MTRR: variants seen among roughly 807,000 people sequenced by gnomAD.
MTRR encodes 5-methyltetrahydrofolate-homocysteine methyltransferase reductase, also known as methionine synthase reductase.
MTRR carries 63 observed loss-of-function variants against 79.2 expected under a neutral mutation model. That is an observed-to-expected ratio of 0.80 (90% CI 0.65 to 0.98). MTRR has a LOEUF of 0.98. Ranked by LOEUF, MTRR falls within the 50% of genes least tolerant of loss-of-function variation. MTRR has a pLI of 0.00. For synonymous variants in MTRR, 355 were observed against 313.3 expected (o/e 1.13, Z -1.41); for missense variants, 895 against 839.6 (o/e 1.07, Z -0.82).
At chr5:7,859,349 T>G in intron 1 of MTRR, 1 of 708,608 alleles carries the variant, frequency 1.4e-6, no homozygotes, top group East Asian at 2.8e-5. Context: ...TTCTGCAAAG[T>G]GGCTAATTCA....
Position 7,895,756 on chromosome 5 carries a change from C to CA in MTRR, c.1583dup (p.Asn528LysfsTer8). Reference sequence around the variant, plus strand: ...CAGATATCCATCTCTCCTCGAACAACAAATTCTTTCCACTTACCAGATGAC... The same window carrying CA: ...CAGATATCCATCTCTCCTCGAACAACAAAATTCTTTCCACTTACCAGATGAC... On this transcript the variant is annotated frameshift_variant, in exon 12 of 15. Transcript: ENST00000440940. LOFTEE classifies it high-confidence loss of function. 6.2e-7 allele frequency: 1 copy of CA among 1,614,074 alleles called. No individual in the cohort carries two copies. Among genetic ancestry groups the CA allele is most frequent in the Non-Finnish European group, 8.5e-7 (1 of 1,179,962 alleles).
rs1279274094 is a variant in MTRR at position 7,870,819 on chromosome 5, G to A, written c.25G>A (p.Ala9Thr). The change falls in exon 2 of 15, where the codon GCT becomes ACT. Residue 9 changes from alanine to threonine, a missense_variant. Ala to Thr is a moderately conservative substitution (Grantham distance 58). Transcript: ENST00000440940. MRRFLLLY[A>T]TQQGQAKAIA... ...GATGAGGAGGTTTCTGTTACTATAT[G>A]CTACACAGCAGGGACAGGCAAAGGC... The A allele has an allele frequency of 6.2e-7, 1 of 1,614,202 alleles. No homozygotes were observed. The highest frequency in any genetic ancestry group is 1.7e-5 in the Admixed American group (1 of 60,034).
At chr5:7,861,297 TTTTA>T in intron 1 of MTRR, 1 of 1,226,700 alleles carries the variant, frequency 8.2e-7, no homozygotes, top group Non-Finnish European at 1.1e-6. Flanking sequence ...ATACTTAATT[TTTTA>T]AATAATCCAA....
At position 7,897,301 on chromosome 5, in the gene MTRR, T is replaced by C. The variant is rs539608048; in HGVS notation, c.1952+54T>C. 3.2e-6 allele frequency: 5 copies of C among 1,584,710 alleles called. No homozygotes were observed. The African/African-American group carries it at 6.7e-5, about 21-fold the overall frequency. ...AGGAGAGGGCCATCAGTGATGTCTG[T>C]AGAAGAAAAAAAGGACCGAGAAGCC... On this transcript the variant is annotated intron_variant, in intron 14 of 14. Transcript: ENST00000440940.
intron 4 of MTRR, among the ~76,000 whole-genome samples, chr5:7,877,521 AAG>A (rs1554001300): frequency 2.6e-5 from 4 of 151,410 alleles, no homozygotes; most frequent in African/African-American, 9.7e-5. Context: ...AAAAAAAAAA[AAG>A]GTGCATTTGA....
chr5:7,859,417 G>C (rs746506905), intron 1 of MTRR: 1 of 1,480,244 alleles, frequency 6.8e-7, no homozygotes, highest in Non-Finnish European at 9.3e-7. Flanking sequence ...TCCATTGTTT[G>C]AGTTCTGAAG....
In MTRR at chr5:7,896,890, A is replaced by G. The variant is rs1336717002; in HGVS notation, c.1703A>G (p.Asp568Gly). ...HREKLQEQHP[D>G]GNFGAMWLFF... The stretch of plus-strand genomic sequence containing the variant: ...GAGAAACTCCAAGAACAACACCCAG[A>G]TGGAAATTTTGGAGCAATGTGGTTG... Residue 568 changes from aspartate to glycine, a missense_variant, in exon 13 of 15, where the codon GAT becomes GGT. Physicochemically the swap from Asp to Gly is moderately conservative, Grantham distance 94. Coordinates refer to ENST00000440940, the MANE Select transcript of MTRR (RefSeq NM_002454.3). 2 of 1,614,074 alleles carry G rather than the reference A, an allele frequency of 1.2e-6. No homozygotes were observed. Among genetic ancestry groups the G allele is most frequent in the African/African-American group, 2.7e-5 (2 of 75,018 alleles).
upstream of MTRR, among the ~76,000 whole-genome samples, chr5:7,864,517 A>G (rs116816734): frequency 3.1e-3 from 467 of 152,338 alleles, 3 homozygotes; most frequent in African/African-American, 0.011. Context: ...TACAACATTC[A>G]TAATAGTTAA....
In MTRR at chr5:7,877,981, T is replaced by C; in HGVS notation, c.439T>C (p.Trp147Arg). Residue 147 changes from tryptophan to arginine, a missense_variant, in exon 5 of 15, where the codon TGG becomes CGG. Transcript: ENST00000440940. ...LVVEPWIAGL[W>R]PALRKHFRSS... ...GGTTGAGCCGTGGATTGCTGGACTC[T>C]GGCCAGCCCTCAGAAAGCATTTTAG... 6.2e-7 allele frequency: 1 copy of C among 1,613,702 alleles called. No homozygotes were observed. The highest frequency in any genetic ancestry group is 8.5e-7 in the Non-Finnish European group (1 of 1,179,996).
rs1485372093 is a variant in MTRR at position 7,878,001 on chromosome 5, T to C, written c.459T>C (p.His153=). 1.9e-6 allele frequency: 3 copies of C among 1,613,536 alleles called. No individual in the cohort carries two copies. The African/African-American group carries it at 4.0e-5, about 22-fold the overall frequency. ...IAGLWPALRK[H]FRSSRGQEEI... ...GACTCTGGCCAGCCCTCAGAAAGCA[T>C]TTTAGGTCAAGCAGAGGACAAGAGG... The change falls in exon 5 of 15, where the codon CAT becomes CAC. Residue 153 remains histidine, a synonymous_variant. Coordinates refer to ENST00000440940, the MANE Select transcript of MTRR (RefSeq NM_002454.3).
chr5:7,897,955 G>T (rs1359939629), intron 14 of MTRR, among the ~76,000 whole-genome samples: 2 of 151,412 alleles, frequency 1.3e-5, no homozygotes, highest in African/African-American at 4.9e-5. Flanking sequence ...ACAAAATACT[G>T]GCATCGTGAC....
At chr5:7,887,566 T>TTA (rs532744558) in intron 8 of MTRR, among the ~76,000 whole-genome samples, 27 of 146,492 alleles carry the variant, frequency 1.8e-4, no homozygotes, top group South Asian at 6.4e-4. Flanking sequence ...ATATATAGAT[T>TTA]TATATATATA....
chr5:7,871,078 G>A (rs962426481), intron 2 of MTRR, among the ~76,000 whole-genome samples, 155 bp downstream of exon 2: 2 of 152,228 alleles, frequency 1.3e-5, no homozygotes, highest in Non-Finnish European at 2.9e-5. Flanking sequence ...GATATCACCA[G>A]CATTTTTTTA....
At chr5:7,855,500 CT>C (rs1331893181) in intron 1 of MTRR, among the ~76,000 whole-genome samples, 1 of 150,668 alleles carries the variant, frequency 6.6e-6, no homozygotes, top group Non-Finnish European at 1.5e-5. Flanking sequence ...AATAGAGGAA[CT>C]TGCAAACTTA....
chr5:7,874,122 A>G (rs1748465165), intron 3 of MTRR, among the ~76,000 whole-genome samples: 1 of 152,026 alleles, frequency 6.6e-6, no homozygotes, highest in Admixed American at 6.5e-5. Context: ...AGAAAAACTG[A>G]CTTAGGACTC....
At chr5:7,892,956 T>C (rs1304233649) in intron 11 of MTRR, 43 bp downstream of exon 11, 2 of 1,574,374 alleles carry the variant, frequency 1.3e-6, no homozygotes, top group South Asian at 2.3e-5. Context: ...TAACTCATAC[T>C]CTTTGTTTCA....
At chr5:7,899,749 C>T (rs933552731) in intron 14 of MTRR, among the ~76,000 whole-genome samples, 165 bp from the exon 15 acceptor site, 2 of 152,166 alleles carry the variant, frequency 1.3e-5, no homozygotes, top group African/African-American at 4.8e-5. Context: ...TAGGCAAAGG[C>T]CTGGCCTGGG....
chr5:7,895,660 G>T, intron 11 of MTRR, 74 bp from the exon 12 acceptor site: 1 of 1,576,448 alleles, frequency 6.3e-7, no homozygotes, highest in Non-Finnish European at 8.7e-7. Flanking sequence ...GATTTGTTTA[G>T]CAAAGATCAT....
chr5:7,854,062 A>G (rs1439183285), intron 1 of MTRR, among the ~76,000 whole-genome samples: 2 of 152,022 alleles, frequency 1.3e-5, no homozygotes, highest in East Asian at 3.9e-4. Context: ...TTTTAAAAAT[A>G]CTCTTTTTAA....
Sources: allele counts gnomAD v4.1 joint callset (sites outside exome capture counted in the v4.1 genomes callset), GRCh38; gene constraint gnomAD v4.1.1; transcripts MANE v1.5; gene names NCBI Gene and HGNC (gene_info 2026-07-23, HGNC 2026-07-21).